Variants in CDH6 observed in about 807,000 individuals in gnomAD.
The protein encoded by CDH6 is cadherin 6, also known as cadherin-6.
A neutral mutation model predicts 78.0 loss-of-function variants in CDH6; 31 were observed. The ratio of observed to expected loss-of-function variants is 0.40; its 90% confidence interval spans 0.30 to 0.54. The LOEUF (loss-of-function observed/expected upper bound fraction) is 0.54. Among genes scored for constraint, CDH6 ranks in the 20% least tolerant of loss-of-function variants. The pLI, the probability that CDH6 is intolerant of heterozygous loss-of-function variation, is 0.56. For missense variants in CDH6, 724 were observed against 975.9 expected (o/e 0.74, Z 3.44); for synonymous variants, 376 against 368.8 (o/e 1.02, Z -0.23).
rs1738604742 is a variant in CDH6 at position 31,325,429 on chromosome 5, GA to G, written c.*2127del. 1 of 230,902 alleles carries G rather than the reference GA, an allele frequency of 4.3e-6. No individual in the cohort carries two copies. Among genetic ancestry groups the G allele is most frequent in the Non-Finnish European group, 8.6e-6 (1 of 116,822 alleles). The allele number at this position is 230,902 out of a possible 1,614,324, so 14.3% of individuals were successfully genotyped here. A position where few individuals can be genotyped will look rare whatever the true frequency, so the allele number is the denominator to read the frequency against. ...TGTATCATAGTCACAGGTAAGTGTT[GA>G]AAAAAGCTTAGTAAAGTTAGAAGCT... On this transcript the variant is annotated 3_prime_UTR_variant, in exon 12 of 12. Coordinates refer to ENST00000265071, the MANE Select transcript of CDH6 (RefSeq NM_004932.4).
intron 2 of CDH6, 35 bp downstream of exon 2, chr5:31,267,736 T>C: frequency 1.3e-6 from 2 of 1,500,882 alleles, no homozygotes; most frequent in Non-Finnish European, 1.9e-6. Context: ...CATTCTGGGT[T>C]TAAAGCCTGA....
At chr5:31,261,409 G>A (rs1313588595) in intron 1 of CDH6, among the ~76,000 whole-genome samples, 1 of 152,142 alleles carries the variant, frequency 6.6e-6, no homozygotes, top group Non-Finnish European at 1.5e-5. Context: ...CTATATTTAT[G>A]GGTTAGGAAG....
chr5:31,257,202 C>T lies in CDH6; in HGVS notation c.-128-10144C>T, dbSNP rs10039315. ...GTTTTGAGACGGAGTCTTGCTCTGT[C>T]GCCCAGGTGGAGTGCAGTGGCGCGA... is the stretch of plus-strand genomic sequence containing the variant. On this transcript the variant is annotated intron_variant, in intron 1 of 11. Coordinates refer to ENST00000265071, the MANE Select transcript of CDH6 (RefSeq NM_004932.4). Among the ~76,000 whole-genome samples, 1,390 of 151,652 alleles carry T rather than the reference C, an allele frequency of 9.2e-3. 20 individuals are homozygous for T. Among genetic ancestry groups the T allele is most frequent in the African/African-American group, 0.032 (1,311 of 40,938 alleles).
intron 1 of CDH6, among the ~76,000 whole-genome samples, chr5:31,254,634 A>G (rs1742002690): frequency 6.6e-6 from 1 of 152,238 alleles, no homozygotes; most frequent in Non-Finnish European, 1.5e-5. Context: ...TTCCCTGAGG[A>G]TAAAGAGGAC....
intron 1 of CDH6, chr5:31,250,413 T>C (rs1479894152): frequency 6.6e-6 from 1 of 152,274 alleles, no homozygotes; most frequent in African/African-American, 2.4e-5. Flanking sequence ...GTCATGATGC[T>C]CCACCCACCA....
At chr5:31,285,060 A>G (rs1251799571) in intron 2 of CDH6, among the ~76,000 whole-genome samples, 2 of 152,252 alleles carry the variant, frequency 1.3e-5, no homozygotes, top group Non-Finnish European at 2.9e-5. Context: ...CTAATCCTCA[A>G]TGGCACTAGA....
chr5:31,230,946 A>C (rs1741296974), intron 1 of CDH6, among the ~76,000 whole-genome samples: 1 of 152,224 alleles, frequency 6.6e-6, no homozygotes, highest in African/African-American at 2.4e-5. Context: ...ACTCTTTAAA[A>C]TGTAAAACCT....
chr5:31,228,473 G>C (rs964461024), intron 1 of CDH6, among the ~76,000 whole-genome samples: 1 of 152,146 alleles, frequency 6.6e-6, no homozygotes. Context: ...GTATGTCCCA[G>C]GGTCAGACAC....
intron 11 of CDH6, chr5:31,319,184 G>T (rs571160633): frequency 1.7e-5 from 3 of 173,888 alleles, no homozygotes; most frequent in African/African-American, 7.1e-5. Flanking sequence ...GACTCTTTTT[G>T]TCATCTGTGG....
At chr5:31,316,380 T>C in intron 9 of CDH6, 51 bp downstream of exon 9, 1 of 1,499,136 alleles carries the variant, frequency 6.7e-7, no homozygotes, top group East Asian at 2.3e-5. Context: ...TTAATTTAGA[T>C]CTTCTTATCA....
chr5:31,321,085 G>A (rs73758996), intron 11 of CDH6, among the ~76,000 whole-genome samples: 163 of 151,034 alleles, frequency 1.1e-3, no homozygotes, highest in African/African-American at 3.8e-3. Flanking sequence ...TGTTCATATT[G>A]CACTTATCAC....
chr5:31,302,773 G>GA (rs1157253567), intron 6 of CDH6, among the ~76,000 whole-genome samples: 2 of 24,526 alleles, frequency 8.2e-5, no homozygotes, highest in African/African-American at 1.7e-4. Flanking sequence ...AAGAAAGAAA[G>GA]AAGAAAGAGA....
intron 1 of CDH6, among the ~76,000 whole-genome samples, chr5:31,219,431 T>G (rs1740950488): frequency 6.6e-6 from 1 of 152,098 alleles, no homozygotes; most frequent in Non-Finnish European, 1.5e-5. Flanking sequence ...TATCCAATTT[T>G]CCCTGTAACA....
chr5:31,276,714 G>C (rs1366641957), intron 2 of CDH6, among the ~76,000 whole-genome samples: 2 of 152,142 alleles, frequency 1.3e-5, no homozygotes, highest in East Asian at 3.8e-4. Context: ...TGAGCAGACT[G>C]TCTATGTTTC....
chr5:31,303,283 C>G (rs7726006), intron 6 of CDH6, among the ~76,000 whole-genome samples: 8 of 151,976 alleles, frequency 5.3e-5, no homozygotes, highest in Non-Finnish European at 1.0e-4. Flanking sequence ...GCCAAGTAAA[C>G]AAACAAACAA....
chr5:31,250,732 C>T (rs1313364852), intron 1 of CDH6: 3 of 152,560 alleles, frequency 2.0e-5, no homozygotes, highest in Admixed American at 2.0e-4. Flanking sequence ...CCAGCTGGAG[C>T]AGGGGCACTT....
At chr5:31,256,905 A>G (rs1742070338) in intron 1 of CDH6, among the ~76,000 whole-genome samples, 1 of 152,166 alleles carries the variant, frequency 6.6e-6, no homozygotes, top group Non-Finnish European at 1.5e-5. Context: ...ACAAGAGCCG[A>G]GAGAGGTGGA....
chr5:31,239,967 C>G (rs1014694526), intron 1 of CDH6, among the ~76,000 whole-genome samples: 2 of 152,172 alleles, frequency 1.3e-5, no homozygotes, highest in South Asian at 2.1e-4. Flanking sequence ...TTTACTTTCT[C>G]TTTTTATTCA....
intron 2 of CDH6, among the ~76,000 whole-genome samples, chr5:31,291,202 T>A (rs1743152788): frequency 6.6e-6 from 1 of 151,616 alleles, no homozygotes; most frequent in Non-Finnish European, 1.5e-5. Flanking sequence ...GCCGCCCAGT[T>A]AAAGAATACT....
Sources: allele counts gnomAD v4.1 joint callset (sites outside exome capture counted in the v4.1 genomes callset), GRCh38; gene constraint gnomAD v4.1.1; transcripts MANE v1.5; gene names NCBI Gene and HGNC (gene_info 2026-07-23, HGNC 2026-07-21).